The following ANKS1B variants were observed in gnomAD, a reference collection of about 807,000 sequenced individuals.
The protein encoded by ANKS1B is ankyrin repeat and sterile alpha motif domain-containing protein 1B.
Under a neutral mutation model 148.3 loss-of-function variants are expected in ANKS1B, and 36 were observed. The observed-to-expected ratio is 0.24, with a 90% confidence interval of 0.19 to 0.32. The LOEUF (loss-of-function observed/expected upper bound fraction) is 0.32, where lower values mean the gene tolerates loss of function less well. Among genes scored for constraint, ANKS1B ranks in the 10% least tolerant of loss-of-function variants. The probability of loss-of-function intolerance (pLI) is 1.00; values close to 1 mark genes in which losing one functional copy is unlikely to be tolerated. For missense variants in ANKS1B, 1,157 were observed against 1,542.6 expected, an observed-to-expected ratio of 0.75 and a Z score of 4.19; for synonymous variants, 542 against 560.8, an observed-to-expected ratio of 0.97 and a Z score of 0.47.
intron 17 of ANKS1B, among the ~76,000 whole-genome samples, chr12:98,832,972 A>T (rs2099331250): frequency 6.6e-6 from 1 of 152,192 alleles, no homozygotes; most frequent in Non-Finnish European, 1.5e-5. Context: ...TGGGAGTTGC[A>T]AAATTAGAGT....
At chr12:98,748,707 C>G (rs1160402340) in intron 26 of ANKS1B, among the ~76,000 whole-genome samples, 1 of 152,206 alleles carries the variant, frequency 6.6e-6, no homozygotes, top group African/African-American at 2.4e-5. Flanking sequence ...GGGGACTGAT[C>G]TTGAAGCACA....
At chr12:99,954,761 GATGCTGCA>G in intron 1 of ANKS1B, among the ~76,000 whole-genome samples, 1 of 152,062 alleles carries the variant, frequency 6.6e-6, no homozygotes, top group African/African-American at 2.4e-5. Context: ...ACAGGCCAGG[GATGCTGCA>G]ATCCTACAAT....
intron 12 of ANKS1B, among the ~76,000 whole-genome samples, chr12:99,285,170 T>G (rs895874751): frequency 1.3e-5 from 2 of 152,222 alleles, no homozygotes; most frequent in Non-Finnish European, 2.9e-5. Flanking sequence ...TCTGTCACTA[T>G]AGGTAAGTTT....
chr12:98,755,407 T>A (rs1191634659), intron 25 of ANKS1B, among the ~76,000 whole-genome samples: 4 of 152,224 alleles, frequency 2.6e-5, no homozygotes, highest in Admixed American at 6.5e-5. Context: ...AAAGCCCAAC[T>A]GTCTCTGCCT....
rs534398767 is a variant in ANKS1B, at chr12:98,968,742, T to C, written c.2778+84415A>G. ...TGCAGAGACTAATAATGAAATTTGTTGGACCATCAGAAAGGACAGCAGATG... is the reference window on the plus strand; with the variant it reads ...TGCAGAGACTAATAATGAAATTTGTCGGACCATCAGAAAGGACAGCAGATG... On this transcript the variant is annotated intron_variant, in intron 17 of 26. Coordinates refer to ENST00000683438, the MANE Select transcript of ANKS1B (RefSeq NM_001352186.2). Among the ~76,000 whole-genome samples the C allele has an allele frequency of 1.5e-4, 23 of 151,350 alleles. No individual in the cohort carries two copies. The East Asian group carries it at 4.1e-3, about 27-fold the overall frequency.
intron 8 of ANKS1B, among the ~76,000 whole-genome samples, chr12:99,659,683 A>T (rs965896195): frequency 6.6e-6 from 1 of 152,114 alleles, no homozygotes; most frequent in Non-Finnish European, 1.5e-5. Context: ...TGTGTAAATT[A>T]TATGACAACT....
chr12:99,655,006 A>G, intron 9 of ANKS1B, 61 bp downstream of exon 9: 1 of 1,500,482 alleles, frequency 6.7e-7, no homozygotes, highest in Non-Finnish European at 9.0e-7. Flanking sequence ...GGGAGATTTT[A>G]TCTTAAAAAC....
rs117513944 is a variant in ANKS1B, at chr12:98,814,464, A to G, written c.3067-6546T>C. ...TCTATTGGTGCCACTTGTGCCTTTC[A>G]TAAGCTATGTCACTGCCAACACACT... is the stretch of plus-strand genomic sequence containing the variant. On this transcript the variant is annotated intron_variant, in intron 19 of 26. Transcript: ENST00000683438. Among the ~76,000 whole-genome samples the G allele has an allele frequency of 3.0e-4, 45 of 152,346 alleles. 2 individuals carry two copies. In the East Asian group the frequency reaches 7.9e-3, roughly 27 times the overall value.
In ANKS1B at chr12:99,560,840, CTTT is replaced by C. The variant is rs58588885; in HGVS notation, c.1273-56202_1273-56200del. On this transcript the variant is annotated intron_variant, in intron 9 of 26. Transcript: ENST00000683438. ...TGCAATGGCAATTTCTTTCTTTTTT[CTTT>C]TTTTTTTTTTTTTTTTTTTTTGAGA... Among the ~76,000 whole-genome samples, 282 of 71,878 alleles carry C rather than the reference CTTT, an allele frequency of 3.9e-3. 2 individuals are homozygous for C. Among genetic ancestry groups the C allele is most frequent in the South Asian group, 0.029 (48 of 1,632 alleles). The allele number at this position is 71,878 out of a possible 152,430, so 47.2% of individuals were successfully genotyped here.
chr12:99,363,591 GA>G (rs999975551), intron 12 of ANKS1B, among the ~76,000 whole-genome samples: 13 of 152,086 alleles, frequency 8.5e-5, no homozygotes, highest in African/African-American at 3.1e-4. Context: ...CAGGACCCTT[GA>G]TTTACACCAA....
intron 17 of ANKS1B, among the ~76,000 whole-genome samples, chr12:98,913,482 A>G (rs1453777684): frequency 6.6e-6 from 1 of 152,082 alleles, no homozygotes; most frequent in Non-Finnish European, 1.5e-5. Context: ...ATCTACTCTC[A>G]TCCCCTTGGG....
intron 17 of ANKS1B, among the ~76,000 whole-genome samples, chr12:99,030,915 T>G (rs1408255922): frequency 2.6e-5 from 4 of 152,178 alleles, no homozygotes; most frequent in East Asian, 1.9e-4. Flanking sequence ...ACTTCTGACT[T>G]CTCTCTTTCT....
At chr12:99,248,561 C>G (rs979996876) in intron 12 of ANKS1B, among the ~76,000 whole-genome samples, 1 of 152,160 alleles carries the variant, frequency 6.6e-6, no homozygotes, top group African/African-American at 2.4e-5. Flanking sequence ...CTTGATAACT[C>G]TCTATTTTAT....
At chr12:99,820,983 G>C (rs901578404) in intron 2 of ANKS1B, among the ~76,000 whole-genome samples, 2 of 151,948 alleles carry the variant, frequency 1.3e-5, no homozygotes, top group African/African-American at 4.8e-5. Context: ...GGTAGAAAAA[G>C]TGATCTCTAA....
At chr12:98,742,344 C>CT (rs879698371), downstream of ANKS1B, among the ~76,000 whole-genome samples, 1,499 of 143,470 alleles carry the variant, frequency 0.01, 4 homozygotes, top group Middle Eastern at 0.015. Context: ...GCCCATGCAG[C>CT]TTTTTTTTTT....
In ANKS1B at chr12:99,737,895, T is replaced by A. The variant is rs537287701; in HGVS notation, c.1128+35027A>T. 1.5e-4 allele frequency among the ~76,000 whole-genome samples: 23 copies of A among 152,232 alleles called. 1 individual carries two copies. In the South Asian group the frequency reaches 4.4e-3, roughly 29 times the overall value. The stretch of plus-strand genomic sequence containing the variant: ...CCAATTACCAACTATTCATCAATAG[T>A]TTATTAATTTTAATCTACAGCCTCC... On this transcript the variant is annotated intron_variant, in intron 8 of 26. Transcript: ENST00000683438.
chr12:99,444,119 C>T (rs1191149804), intron 10 of ANKS1B, among the ~76,000 whole-genome samples: 2 of 151,860 alleles, frequency 1.3e-5, no homozygotes, highest in African/African-American at 2.4e-5. Context: ...ATAACTAAAA[C>T]CTTACCTTAA....
intron 1 of ANKS1B, among the ~76,000 whole-genome samples, chr12:99,947,138 T>C (rs967673414): frequency 9.9e-5 from 15 of 152,084 alleles, no homozygotes; most frequent in African/African-American, 3.4e-4. Flanking sequence ...CCTGTTTTCT[T>C]ATTTACCTTT....
chr12:99,378,652 C>CAAAAAAAAAAAAAAAAA (rs140892353), intron 12 of ANKS1B, among the ~76,000 whole-genome samples: 11 of 90,596 alleles, frequency 1.2e-4, no homozygotes, highest in South Asian at 4.1e-4. Context: ...GACTCCATCT[C>CAAAAAAAAAAAAAAAAA]AAAAAAAAAA....
Sources: allele counts gnomAD v4.1 joint callset (sites outside exome capture counted in the v4.1 genomes callset), GRCh38; gene constraint gnomAD v4.1.1; transcripts MANE v1.5; gene names NCBI Gene and HGNC (gene_info 2026-07-23, HGNC 2026-07-21).